Variants in KIF18B observed in about 807,000 individuals in gnomAD.
The protein encoded by KIF18B is kinesin family member 18B, also known as kinesin-like protein KIF18B.
Under a neutral mutation model 80.9 loss-of-function variants are expected in KIF18B, and 49 were observed. That is an observed-to-expected ratio of 0.61 (90% CI 0.48 to 0.77). The LOEUF is 0.77. KIF18B is among the 30% of genes least tolerant of loss of function. KIF18B has a pLI of 0.00. For synonymous variants in KIF18B, 439 were observed against 463.9 expected, an observed-to-expected ratio of 0.95 and a Z score of 0.69; for missense variants, 994 against 1,127.7, an observed-to-expected ratio of 0.88 and a Z score of 1.70.
intron 2 of KIF18B, 112 bp from the exon 3 acceptor site, chr17:44,935,528 TC>T: frequency 8.9e-7 from 1 of 1,119,940 alleles, no homozygotes; most frequent in Non-Finnish European, 1.3e-6. Flanking sequence ...GGTCCATTAA[TC>T]CCACTAATCA....
At position 44,925,863 on chromosome 17, in the gene KIF18B, C is replaced by A; in HGVS notation, c.*217G>T. 1.7e-6 allele frequency: 1 copy of A among 601,082 alleles called. No individual in the cohort carries two copies. The highest frequency in any genetic ancestry group is 3.0e-6 in the Non-Finnish European group (1 of 338,622). The allele number at this position is 601,082 out of a possible 1,614,324, so 37.2% of individuals were successfully genotyped here. A position where few individuals can be genotyped will look rare whatever the true frequency, so the allele number is the denominator to read the frequency against. ...ACACTCACAAATGAATATGTACATGCCAAGAAGCTGAGTGTAACAGGAGAT... is the reference window on the plus strand; with the variant it reads ...ACACTCACAAATGAATATGTACATGACAAGAAGCTGAGTGTAACAGGAGAT... On this transcript the variant is annotated 3_prime_UTR_variant, in exon 16 of 16. Coordinates refer to ENST00000593135, the MANE Select transcript of KIF18B (RefSeq NM_001265577.2).
rs140179641 is a variant in KIF18B at position 44,931,140 on chromosome 17, A to C, written c.1517+462T>G. 1.3e-3 allele frequency among the ~76,000 whole-genome samples: 202 copies of C among 152,304 alleles called. 3 individuals carry two copies. In the South Asian group the frequency reaches 0.025, roughly 19 times the overall value. ...AATCCATTTTTCTTTGGCTTTGATT[A>C]GTGGTTTGTATTTACTTCTGAGAAA... On this transcript the variant is annotated intron_variant, in intron 11 of 15. Coordinates refer to ENST00000593135, the MANE Select transcript of KIF18B (RefSeq NM_001265577.2).
chr17:44,943,108 T>G (rs1304261492), intron 1 of KIF18B, among the ~76,000 whole-genome samples: 2 of 148,666 alleles, frequency 1.3e-5, no homozygotes, highest in Admixed American at 1.3e-4. Context: ...GTTTTTTTTG[T>G]TTTTTTTTTG....
rs548265834 is a variant in KIF18B, at chr17:44,932,718, G to A, written c.1193C>T (p.Pro398Leu). 2.0e-5 allele frequency: 33 copies of A among 1,613,084 alleles called. No homozygotes were observed. The highest frequency in any genetic ancestry group is 3.3e-5 in the Admixed American group (2 of 60,000). Residue 398 changes from proline to leucine, a missense_variant, in exon 9 of 16, where the codon CCA (proline) becomes CTA (leucine). Physicochemically the swap from Pro to Leu is moderately conservative, Grantham distance 98. Coordinates refer to ENST00000593135, the MANE Select transcript of KIF18B (RefSeq NM_001265577.2). Reference sequence around the variant, plus strand: ...CTTGGGAGATCCTGGGAGGTCCTGTGGTGGGGGCTGGCCTCCCCCCTCATA... The same window carrying A: ...CTTGGGAGATCCTGGGAGGTCCTGTAGTGGGGGCTGGCCTCCCCCCTCATA... Reference protein sequence around the residue: ...QVYEGGGQPPPQDLPGSPKSG... With the variant: ...QVYEGGGQPPLQDLPGSPKSG...
rs1231706756 is a variant in KIF18B, at chr17:44,927,616, T to C, written c.2276+410A>G. 6.6e-6 allele frequency among the ~76,000 whole-genome samples: 1 copy of C among 152,234 alleles called. No homozygotes were observed. The highest frequency in any genetic ancestry group is 1.5e-5 in the Non-Finnish European group (1 of 68,036). On this transcript the variant is annotated intron_variant, in intron 13 of 15. Transcript: ENST00000593135. The surrounding 1 kb of genome is among the most constrained non-coding windows in gnomAD (Gnocchi z 4.1). ...AGATGCTGGGCCGGAGGCCAAAATC[T>C]GGAGTAGAAGTGGCAGAAAGAGGTA...
In KIF18B at chr17:44,925,243, C is replaced by G. The variant is rs982571985; in HGVS notation, c.*837G>C. ...AGGCGGGTGGATCATGAGGTCAGAT[C>G]GAGACCAGCCTGGCTAACACGGTGA... is the stretch of plus-strand genomic sequence containing the variant. On this transcript the variant is annotated 3_prime_UTR_variant, in exon 16 of 16. Coordinates refer to ENST00000593135, the MANE Select transcript of KIF18B (RefSeq NM_001265577.2). The G allele has an allele frequency of 6.6e-6, 1 of 152,140 alleles. No homozygotes were observed. Among genetic ancestry groups the G allele is most frequent in the South Asian group, 2.1e-4 (1 of 4,824 alleles). 9.4% of individuals were successfully genotyped at this position (152,140 alleles called of 1,614,324 possible).
At chr17:44,941,442 A>ACC (rs1441421337) in intron 1 of KIF18B, among the ~76,000 whole-genome samples, 2 of 150,918 alleles carry the variant, frequency 1.3e-5, no homozygotes, top group Non-Finnish European at 2.9e-5. Context: ...AGGTTCAAGG[A>ACC]ATTCTTCTGC....
At position 44,934,894 on chromosome 17, in the gene KIF18B, C is replaced by T. The variant is rs1030954226; in HGVS notation, c.513G>A (p.Gly171=). Reference sequence around the variant, plus strand: ...CGGGGTCCTCGCGGATGGCAAGGGGCCCCTTGGGCTCCAGGAGGTCATGGA... The same window carrying T: ...CGGGGTCCTCGCGGATGGCAAGGGGTCCCTTGGGCTCCAGGAGGTCATGGA... ...EQIHDLLEPK[G]PLAIREDPDK... is the part of the protein sequence containing the mutation. Residue 171 remains glycine, a synonymous_variant, in exon 4 of 16, where the codon GGG becomes GGA. Transcript: ENST00000593135. This position sits in a 1 kb window ranked among gnomAD's most constrained non-coding sequence, Gnocchi z 5.4. 49 of 1,551,738 alleles carry T rather than the reference C, an allele frequency of 3.2e-5. No homozygotes were observed. The highest frequency in any genetic ancestry group is 4.1e-5 in the African/African-American group (3 of 73,098).
At chr17:44,944,382 A>G (rs746067994) in intron 1 of KIF18B, among the ~76,000 whole-genome samples, 1 of 151,960 alleles carries the variant, frequency 6.6e-6, no homozygotes, top group Non-Finnish European at 1.5e-5. Context: ...AGCTGGGACT[A>G]CAGGTGCCTG....
chr17:44,939,878 T>C (rs1451351559), intron 1 of KIF18B, among the ~76,000 whole-genome samples: 1 of 152,234 alleles, frequency 6.6e-6, no homozygotes, highest in Non-Finnish European at 1.5e-5. Context: ...AGTGGCACGA[T>C]CTTGGCTCAC....
intron 11 of KIF18B, among the ~76,000 whole-genome samples, chr17:44,929,249 C>T (rs943359072): frequency 2.0e-5 from 3 of 152,210 alleles, no homozygotes; most frequent in South Asian, 2.1e-4. Context: ...AGGATGGCCA[C>T]GGGTAATGGT....
intron 1 of KIF18B, among the ~76,000 whole-genome samples, chr17:44,941,479 C>T (rs745507027): frequency 3.9e-5 from 6 of 152,032 alleles, no homozygotes; most frequent in Non-Finnish European, 5.9e-5. Context: ...GCTGGGATTA[C>T]AGGCGCCCAC....
intron 9 of KIF18B, 121 bp from the exon 10 acceptor site, chr17:44,932,327 T>TCG: frequency 8.9e-7 from 1 of 1,123,100 alleles, no homozygotes; most frequent in South Asian, 1.7e-5. Context: ...GGCACCCAGG[T>TCG]CGTATAGAGT....
In KIF18B at chr17:44,926,015, A is replaced by T. The variant is rs1254283996; in HGVS notation, c.*65T>A. On this transcript the variant is annotated 3_prime_UTR_variant, in exon 16 of 16. Transcript: ENST00000593135. ...TCCTGGTGCAGGTGGCTACAGGTCC[A>T]AGAGGGGTATCCAGCAGAGGGGCCG... 3.8e-6 allele frequency: 6 copies of T among 1,579,018 alleles called. No homozygotes were observed. In the Admixed American group the frequency reaches 5.0e-5, roughly 13 times the overall value.
In KIF18B at chr17:44,934,901, G is replaced by T; in HGVS notation, c.506C>A (p.Pro169His). ...CTCGCGGATGGCAAGGGGCCCCTTG[G>T]GCTCCAGGAGGTCATGGATCTGTTC... ...YNEQIHDLLE[P>H]KGPLAIREDP... Residue 169 changes from proline to histidine, a missense_variant, in exon 4 of 16, where the codon CCC (proline) becomes CAC (histidine). Physicochemically the swap from Pro to His is moderately conservative, Grantham distance 77 (BLOSUM62 -2). Transcript: ENST00000593135. The surrounding 1 kb of genome is among the most constrained non-coding windows in gnomAD (Gnocchi z 5.4). 3.9e-6 allele frequency: 6 copies of T among 1,551,532 alleles called. No homozygotes were observed. The highest frequency in any genetic ancestry group is 5.2e-6 in the Non-Finnish European group (6 of 1,146,466).
chr17:44,945,950 T>C (rs2052505266), intron 1 of KIF18B, among the ~76,000 whole-genome samples: 1 of 147,536 alleles, frequency 6.8e-6, no homozygotes. Context: ...CTGGGCACAG[T>C]GGCTCATGCC....
In KIF18B at chr17:44,935,294, C is replaced by T; in HGVS notation, c.436G>A (p.Glu146Lys). 1 of 1,611,600 alleles carries T rather than the reference C, an allele frequency of 6.2e-7. No homozygotes were observed. The highest frequency in any genetic ancestry group is 8.5e-7 in the Non-Finnish European group (1 of 1,178,500). Residue 146 changes from glutamate to lysine, a missense_variant, in exon 3 of 16, where the codon GAG becomes AAG. By Grantham distance (56) the Glu-to-Lys change is moderately conservative. Transcript: ENST00000593135. ...LYRRLEARQQ[E>K]KHFEVLISYQ... The stretch of plus-strand genomic sequence containing the variant: ...CTGATGAGCACCTCGAAGTGCTTCT[C>T]CTGCTGGCGGGCCTCCAGGCGCCTG...
chr17:44,933,580 T>C (rs2005109), intron 7 of KIF18B, among the ~76,000 whole-genome samples: 90,595 of 151,482 alleles, frequency 0.6, 28,598 homozygotes, highest in African/African-American at 0.83. Context: ...GCAACCTTCA[T>C]CTCCTGGGTT....
intron 1 of KIF18B, among the ~76,000 whole-genome samples, chr17:44,945,861 G>T (rs2052502310): frequency 6.8e-6 from 1 of 148,034 alleles, no homozygotes; most frequent in Admixed American, 6.9e-5. Flanking sequence ...AGCTGAGGTG[G>T]TACCATTGCA....
Sources: allele counts gnomAD v4.1 joint callset (sites outside exome capture counted in the v4.1 genomes callset), GRCh38; gene constraint gnomAD v4.1.1; non-coding constraint Gnocchi (gnomAD v3.1); transcripts MANE v1.5; gene names NCBI Gene and HGNC (gene_info 2026-07-23, HGNC 2026-07-21).